The following HDAC9 variants were observed in gnomAD, a reference collection of about 807,000 sequenced individuals.
The protein encoded by HDAC9 is MEF-2 interacting transcription repressor (MITR) protein.
In HDAC9, 41 loss-of-function variants were observed where a neutral mutation model predicts 139.4. The ratio of observed to expected loss-of-function variants is 0.29; its 90% CI spans 0.23 to 0.38. The LOEUF (loss-of-function observed/expected upper bound fraction) is 0.38, where lower values mean the gene tolerates loss of function less well. HDAC9 is among the 10% of genes least tolerant of loss of function. HDAC9 has a pLI of 1.00. For synonymous variants in HDAC9, 517 were observed against 476.2 expected (o/e 1.09, Z -1.12); for missense variants, 1,147 against 1,297.0 (o/e 0.88, Z 1.78).
chr7:18,829,081 T>G, intron 17 of HDAC9, 80 bp from the exon 18 acceptor site: 1 of 955,602 alleles, frequency 1.0e-6, no homozygotes, highest in Admixed American at 1.7e-5. Context: ...TGAGGCACTG[T>G]TGTGCCTGGA....
chr7:18,916,283 G>A (rs1803202571), intron 22 of HDAC9, among the ~76,000 whole-genome samples: 1 of 152,184 alleles, frequency 6.6e-6, no homozygotes, highest in Middle Eastern at 3.4e-3. Context: ...GCTCTGTGAT[G>A]TGGTGGTAGA....
At chr7:18,994,875 G>A (rs1449579617) in intron 25 of HDAC9, among the ~76,000 whole-genome samples, 1 of 152,114 alleles carries the variant, frequency 6.6e-6, no homozygotes, top group Admixed American at 6.6e-5. Context: ...ATCCTGGCAA[G>A]TAGGTAAACA....
intron 4 of HDAC9, 118 bp from the exon 5 acceptor site, chr7:18,591,398 T>C: frequency 7.4e-7 from 1 of 1,345,740 alleles, no homozygotes; most frequent in Non-Finnish European, 9.6e-7. Flanking sequence ...CCAGCGATTT[T>C]ACTTCTTAAT....
At chr7:18,128,936 T>C (rs1278606531) in intron 1 of HDAC9, among the ~76,000 whole-genome samples, 1 of 152,130 alleles carries the variant, frequency 6.6e-6, no homozygotes, top group African/African-American at 2.4e-5. Flanking sequence ...AACAGGACTT[T>C]TAGGAGCTAG....
intron 11 of HDAC9, among the ~76,000 whole-genome samples, chr7:18,660,742 G>A (rs1054385104): frequency 1.3e-5 from 2 of 152,104 alleles, no homozygotes; most frequent in African/African-American, 4.8e-5. Flanking sequence ...GAGAGAGCAC[G>A]GCGTAGACTC....
intron 12 of HDAC9, among the ~76,000 whole-genome samples, chr7:18,711,800 C>A (rs776593226): frequency 2.6e-5 from 4 of 152,206 alleles, no homozygotes; most frequent in Non-Finnish European, 5.9e-5. Context: ...ACAGTTCTTT[C>A]TACTTCTTCC....
intron 22 of HDAC9, among the ~76,000 whole-genome samples, chr7:18,901,353 T>C (rs1441246946): frequency 6.6e-6 from 1 of 151,748 alleles, no homozygotes; most frequent in East Asian, 1.9e-4. Context: ...ATCTCAGAGT[T>C]AAAAAAAATC....
chr7:18,880,615 A>G (rs1031630459), intron 22 of HDAC9, among the ~76,000 whole-genome samples: 2 of 152,094 alleles, frequency 1.3e-5, no homozygotes, highest in African/African-American at 4.8e-5. Flanking sequence ...ACTTCTGAAC[A>G]CAGAGAAGGA....
intron 1 of HDAC9, among the ~76,000 whole-genome samples, chr7:18,427,986 T>C (rs1790283499): frequency 6.6e-6 from 1 of 152,218 alleles, no homozygotes; most frequent in African/African-American, 2.4e-5. Context: ...TCATGCAGTA[T>C]GTGTCCTTCT....
At chr7:18,924,758 A>G (rs1804065082) in intron 22 of HDAC9, among the ~76,000 whole-genome samples, 1 of 152,138 alleles carries the variant, frequency 6.6e-6, no homozygotes, top group Non-Finnish European at 1.5e-5. Flanking sequence ...TAAAGACCAG[A>G]TAACTTATTG....
intron 2 of HDAC9, among the ~76,000 whole-genome samples, chr7:18,233,533 A>G (rs1043097673): frequency 8.5e-5 from 13 of 152,138 alleles, no homozygotes; most frequent in African/African-American, 2.7e-4. Context: ...AATAATGGAA[A>G]TATAACCAAG....
chr7:18,189,204 G>T (rs1453802953), intron 2 of HDAC9, among the ~76,000 whole-genome samples: 1 of 152,162 alleles, frequency 6.6e-6, no homozygotes, highest in Non-Finnish European at 1.5e-5. Context: ...GGACACGGAT[G>T]AAGCTGGAAG....
At chr7:18,794,746 C>T (rs753646756) in intron 17 of HDAC9, among the ~76,000 whole-genome samples, 2 of 152,166 alleles carry the variant, frequency 1.3e-5, no homozygotes, top group Admixed American at 6.5e-5. Flanking sequence ...GTTGTACTTG[C>T]ACCACTGCAA....
At chr7:18,447,371 A>AT (rs1585975015) in intron 1 of HDAC9, among the ~76,000 whole-genome samples, 1 of 152,150 alleles carries the variant, frequency 6.6e-6, no homozygotes, top group Admixed American at 6.5e-5. Context: ...TTCATTTACC[A>AT]TTTTTTTACT....
chr7:18,518,189 G>T (rs1803849641), intron 2 of HDAC9: 2 of 151,924 alleles, frequency 1.3e-5, no homozygotes, highest in South Asian at 4.2e-4. Context: ...TTGATTTACC[G>T]GTATTTATCT....
intron 2 of HDAC9, among the ~76,000 whole-genome samples, chr7:18,194,804 TG>T (rs992268159): frequency 6.6e-6 from 1 of 152,176 alleles, no homozygotes; most frequent in African/African-American, 2.4e-5. Flanking sequence ...AATCTACTGG[TG>T]TTTGATGTTT....
At chr7:18,335,099 G>C (rs1781488826) in intron 1 of HDAC9, among the ~76,000 whole-genome samples, 1 of 151,456 alleles carries the variant, frequency 6.6e-6, no homozygotes, top group South Asian at 2.1e-4. Context: ...ATTGAAAAGG[G>C]ATTAAGAGAA....
rs532956091 is a variant in HDAC9 at position 18,860,086 on chromosome 7, G to C, written c.2685-14392G>C. 6.6e-5 allele frequency among the ~76,000 whole-genome samples: 10 copies of C among 151,686 alleles called. No individual in the cohort carries two copies. In the South Asian group the frequency reaches 1.9e-3, roughly 29 times the overall value. ...GCTACACACTGCACCCCACCGAAAG[G>C]AGAGAAATCCCTATGACTGATTTGA... On this transcript the variant is annotated intron_variant, in intron 21 of 25. Transcript: ENST00000686413.
At chr7:18,614,272 A>G (rs1837983724) in intron 6 of HDAC9, among the ~76,000 whole-genome samples, 1 of 152,090 alleles carries the variant, frequency 6.6e-6, no homozygotes, top group South Asian at 2.1e-4. Context: ...AGTGTAACAG[A>G]TTTGGAAGTT....
Sources: gnomAD v4.1 joint callset for allele counts (sites outside exome capture counted in the v4.1 genomes callset) on GRCh38, gnomAD v4.1.1 for gene constraint, MANE v1.5 for transcripts, NCBI Gene and HGNC (gene_info 2026-07-23, HGNC 2026-07-21) for gene names.